Variants in TNRC6B observed in about 807,000 individuals in gnomAD.
The protein encoded by TNRC6B is trinucleotide repeat containing adaptor 6B, also known as trinucleotide repeat-containing gene 6B protein.
Under a neutral mutation model 203.6 loss-of-function variants are expected in TNRC6B, and 52 were observed. The ratio of observed to expected loss-of-function variants is 0.26; its 90% CI spans 0.20 to 0.32. TNRC6B has a LOEUF of 0.32. Among genes scored for constraint, TNRC6B ranks in the 10% least tolerant of loss-of-function variants. The pLI, the probability that TNRC6B is intolerant of heterozygous loss-of-function variation, is 1.00. For missense variants in TNRC6B, 1,923 were observed against 2,286.2 expected, an observed-to-expected ratio of 0.84 and a Z score of 3.24; for synonymous variants, 838 against 845.7, an observed-to-expected ratio of 0.99 and a Z score of 0.16.
At chr22:40,113,275 G>A (rs775029240) in intron 1 of TNRC6B, among the ~76,000 whole-genome samples, 15 of 152,338 alleles carry the variant, frequency 9.8e-5, no homozygotes, top group Middle Eastern at 3.4e-3. Flanking sequence ...TGCAAAGATA[G>A]TATTTCCAGG....
intron 6 of TNRC6B, among the ~76,000 whole-genome samples, chr22:40,270,576 C>G (rs982931196): frequency 6.6e-6 from 1 of 152,024 alleles, no homozygotes; most frequent in African/African-American, 2.4e-5. Context: ...CCTTGGCCTC[C>G]CAAAGTCCTG....
chr22:40,052,230 A>G (rs536825919), intron 1 of TNRC6B, among the ~76,000 whole-genome samples: 127 of 152,288 alleles, frequency 8.3e-4, no homozygotes, highest in Non-Finnish European at 1.6e-3. Flanking sequence ...AACTTTTAAC[A>G]ATTTTTTTGG....
intron 1 of TNRC6B, among the ~76,000 whole-genome samples, chr22:40,237,870 G>A (rs550704157): frequency 7.2e-5 from 11 of 151,952 alleles, no homozygotes; most frequent in South Asian, 2.1e-4. Flanking sequence ...ATTGCCTGGC[G>A]TTGTGTGTGT....
In TNRC6B at chr22:40,278,047, G is replaced by A. The variant is rs373500796; in HGVS notation, c.3262+3G>A. 3.2e-6 allele frequency: 5 copies of A among 1,560,194 alleles called. No homozygotes were observed. The African/African-American group carries it at 5.4e-5, about 17-fold the overall frequency. On this transcript the variant is annotated splice_donor_region_variant and intron_variant, in intron 9 of 22. Transcript: ENST00000454349. ...CAGCAAAATGGATTTGTCTGTAGGT[G>A]TGTATCACTCCGCTGAAAAGAATGG...
chr22:40,147,399 TG>T (rs1433728977), intron 3 of TNRC6B, among the ~76,000 whole-genome samples: 1 of 152,176 alleles, frequency 6.6e-6, no homozygotes, highest in Non-Finnish European at 1.5e-5. Context: ...TATCTCAGTT[TG>T]TTTATGCTGC....
rs1555884674 is a variant in TNRC6B, at chr22:40,132,965, A to ATATATATAT, written c.45+7103_45+7104insTATATATAT. 5.5e-4 allele frequency among the ~76,000 whole-genome samples: 37 copies of ATATATATAT among 67,116 alleles called. 2 individuals are homozygous for ATATATATAT. Among genetic ancestry groups the ATATATATAT allele is most frequent in the African/African-American group, 1.7e-3 (32 of 19,080 alleles). The allele number at this position is 67,116 out of a possible 152,430, so 44.0% of individuals were successfully genotyped here. ...TCTCAAAAAAAAAAAAAAAAAAAAA[A>ATATATATAT]AAAAATATATATATATATATATATA... On this transcript the variant is annotated intron_variant, in intron 3 of 23. Coordinates refer to the TNRC6B transcript ENST00000301923.
intron 22 of TNRC6B, among the ~76,000 whole-genome samples, chr22:40,322,389 G>A (rs775880453): frequency 6.6e-6 from 1 of 152,130 alleles, no homozygotes; most frequent in Non-Finnish European, 1.5e-5. Flanking sequence ...GTTTACATTA[G>A]AGTTCACTCG....
intron 1 of TNRC6B, among the ~76,000 whole-genome samples, chr22:40,186,751 A>G (rs1484472687): frequency 6.6e-6 from 1 of 151,606 alleles, no homozygotes; most frequent in African/African-American, 2.4e-5. Context: ...AAAAAAAAAA[A>G]GTTAAAAATA....
intron 12 of TNRC6B, among the ~76,000 whole-genome samples, chr22:40,299,168 A>C (rs6001870): frequency 0.31 from 46,908 of 149,350 alleles, 8,261 homozygotes; most frequent in South Asian, 0.47. Flanking sequence ...CAAAAAAAAA[A>C]AAAAAACAAA....
chr22:40,157,079 G>A (rs1356325016), intron 4 of TNRC6B, among the ~76,000 whole-genome samples: 1 of 151,964 alleles, frequency 6.6e-6, no homozygotes, highest in Non-Finnish European at 1.5e-5. Flanking sequence ...CCAGCCAGGG[G>A]TGATTGGTTT....
intron 4 of TNRC6B, among the ~76,000 whole-genome samples, chr22:40,165,676 G>A (rs1433212690): frequency 6.6e-6 from 1 of 152,154 alleles, no homozygotes; most frequent in African/African-American, 2.4e-5. Flanking sequence ...AGGCCTCAGG[G>A]AACTTACAAC....
At chr22:40,091,021 G>A (rs8138261) in intron 1 of TNRC6B, among the ~76,000 whole-genome samples, 2,427 of 152,154 alleles carry the variant, frequency 0.016, 67 homozygotes, top group African/African-American at 0.056. Context: ...TCACTCTCTC[G>A]CCCAGGCTGG....
chr22:40,062,470 A>T (rs1015640310), intron 1 of TNRC6B, among the ~76,000 whole-genome samples: 2 of 152,196 alleles, frequency 1.3e-5, no homozygotes, highest in African/African-American at 4.8e-5. Context: ...CGGCCTCCCA[A>T]AGTCCTGTGA....
At chr22:40,301,843 G>A (rs1271623039) in intron 15 of TNRC6B, among the ~76,000 whole-genome samples, 3 of 152,226 alleles carry the variant, frequency 2.0e-5, no homozygotes, top group East Asian at 3.9e-4. Flanking sequence ...CCAGCATGAA[G>A]CCAGCAGTCT....
At chr22:40,239,679 C>T (rs1026181543) in intron 1 of TNRC6B, among the ~76,000 whole-genome samples, 1 of 152,160 alleles carries the variant, frequency 6.6e-6, no homozygotes, top group Non-Finnish European at 1.5e-5. Context: ...TTTCCCTTTG[C>T]ATGGTCTCGG....
At chr22:40,310,329 C>G (rs2071158031) in intron 16 of TNRC6B, among the ~76,000 whole-genome samples, 1 of 152,200 alleles carries the variant, frequency 6.6e-6, no homozygotes, top group African/African-American at 2.4e-5. Context: ...AATGGACTCT[C>G]TGTTTACACT....
intron 1 of TNRC6B, among the ~76,000 whole-genome samples, chr22:40,114,425 A>G (rs1290718385): frequency 2.0e-5 from 3 of 152,094 alleles, no homozygotes; most frequent in Non-Finnish European, 4.4e-5. Flanking sequence ...GACTCAAGCA[A>G]TTCTCCTGCC....
rs767472201 is a variant in TNRC6B at position 40,266,529 on chromosome 22, A to G, written c.2299A>G (p.Lys767Glu). 1 of 1,613,840 alleles carries G rather than the reference A, an allele frequency of 6.2e-7. No individual in the cohort carries two copies. The highest frequency in any genetic ancestry group is 2.2e-5 in the East Asian group (1 of 44,884). The change falls in exon 5 of 23, where the codon AAA (lysine) becomes GAA (glutamate). Residue 767 changes from lysine (K) to glutamate (E), a missense_variant. Around this residue, in one of 8 missense-constraint regions of TNRC6B, gnomAD observed 599 missense variants for 656.5 expected, o/e 0.91. Transcript: ENST00000454349. ...KNSNWESSAS[K>E]PVSGWGEGGQ... ...CAGCAATTGGGAAAGTTCTGCAAGTAAACCTGTGTCTGGGTGGGGTGAAGG... is the reference window on the plus strand; with the variant it reads ...CAGCAATTGGGAAAGTTCTGCAAGTGAACCTGTGTCTGGGTGGGGTGAAGG...
upstream of TNRC6B, among the ~76,000 whole-genome samples, chr22:40,177,193 C>A (rs2069071284): frequency 6.6e-6 from 1 of 152,156 alleles, no homozygotes; most frequent in African/African-American, 2.4e-5. Flanking sequence ...TGCAGAGCTA[C>A]CTCCTGCGGT....
Sources: gnomAD v4.1 joint callset for allele counts (sites outside exome capture counted in the v4.1 genomes callset) on GRCh38, gnomAD v4.1.1 for gene constraint, gnomAD v4.1.1 regional missense constraint, MANE v1.5 for transcripts, NCBI Gene and HGNC (gene_info 2026-07-23, HGNC 2026-07-21) for gene names.